Variants in MAPK12 observed in about 807,000 individuals in gnomAD.
MAPK12 encodes MAP kinase 12.
Under a neutral mutation model 49.1 loss-of-function variants are expected in MAPK12, and 49 were observed. That is an observed-to-expected ratio of 1.00 (90% CI 0.79 to 1.27). The LOEUF is 1.27. MAPK12 is among the 50% of genes most tolerant of loss of function. The pLI is 0.00. For synonymous variants in MAPK12, 251 were observed against 209.7 expected, an observed-to-expected ratio of 1.20 and a Z score of -1.70; for missense variants, 554 against 502.4, an observed-to-expected ratio of 1.10 and a Z score of -0.98.
At position 50,255,296 on chromosome 22, in the gene MAPK12, G is replaced by T. The variant is rs1347956140; in HGVS notation, c.925C>A (p.Pro309Thr). 6.2e-7 allele frequency: 1 copy of T among 1,613,614 alleles called. No individual in the cohort carries two copies. The highest frequency in any genetic ancestry group is 8.5e-7 in the Non-Finnish European group (1 of 1,180,016). ...RVTAGEALAH[P>T]YFESLHDTED... ...GTGTCGTGCAGGGACTCGAAGTAGG[G>T]ATGGGCCAGCGCCTCGCCTGCCGTC... The change falls in exon 11 of 12, where the codon CCC (proline) becomes ACC (threonine). Residue 309 changes from proline (P) to threonine (T), a missense_variant. Coordinates refer to ENST00000215659, the MANE Select transcript of MAPK12 (RefSeq NM_002969.6).
At position 50,257,042 on chromosome 22, in the gene MAPK12, G is replaced by A. The variant is rs376456977; in HGVS notation, c.426+40C>T. The A allele has an allele frequency of 2.5e-6, 4 of 1,605,636 alleles. No homozygotes were observed. In the African/African-American group the frequency reaches 5.3e-5, roughly 21 times the overall value. On this transcript the variant is annotated intron_variant, in intron 4 of 11. Coordinates refer to ENST00000215659, the MANE Select transcript of MAPK12 (RefSeq NM_002969.6). ...GGGCCCTCCTCTGCCCAGCCCCGAG[G>A]CCCTGCCTGCCTCCCTGCAGCCTCC...
rs2065210637 is a variant in MAPK12 at position 50,261,273 on chromosome 22, C to G, written c.149G>C (p.Gly50Ala). Reference sequence around the variant, plus strand: ...CAGCTTCTTGATGGCCACCTTAGCGCCGGTGCGGCCGTCCACGGCCGAGCT... The same window carrying G: ...CAGCTTCTTGATGGCCACCTTAGCGGCGGTGCGGCCGTCCACGGCCGAGCT... ...AVCSAVDGRT[G>A]AKVAIKKLYR... Residue 50 changes from glycine (G) to alanine (A), a missense_variant, in exon 2 of 12, where the codon GGC becomes GCC. Gly to Ala is a moderately conservative substitution (Grantham distance 60). Coordinates refer to ENST00000215659, the MANE Select transcript of MAPK12 (RefSeq NM_002969.6). The G allele has an allele frequency of 2.6e-6, 4 of 1,532,162 alleles. No individual in the cohort carries two copies. In the South Asian group the frequency reaches 4.9e-5, roughly 19 times the overall value. The allele number at this position is 1,532,162 out of a possible 1,614,324, so 94.9% of individuals were successfully genotyped here. A position where few individuals can be genotyped will look rare whatever the true frequency, so the allele number is the denominator to read the frequency against.
rs2065155354 is a variant in MAPK12 at position 50,256,834 on chromosome 22, G to A, written c.456+101C>T. 2.6e-6 allele frequency: 4 copies of A among 1,540,174 alleles called. No homozygotes were observed. In the Admixed American group the frequency reaches 7.9e-5, roughly 30 times the overall value. On this transcript the variant is annotated intron_variant, in intron 5 of 11. Transcript: ENST00000215659. ...CACCAGGGGCTGTGCATAGGGCGTG[G>A]CTCAGCACCCAGACCCCATCACATC... is the stretch of plus-strand genomic sequence containing the variant.
intron 2 of MAPK12, among the ~76,000 whole-genome samples, chr22:50,260,098 G>A (rs917543636): frequency 6.6e-6 from 1 of 151,850 alleles, no homozygotes; most frequent in Non-Finnish European, 1.5e-5. Context: ...GGCAGGGCTG[G>A]TGTCCACTGC....
chr22:50,253,500 G>GGGT lies in MAPK12; in HGVS notation c.1025-21_1025-20insACC. 1 of 432,222 alleles carries GGGT rather than the reference G, an allele frequency of 2.3e-6. No homozygotes were observed. The highest frequency in any genetic ancestry group is 4.6e-6 in the Non-Finnish European group (1 of 215,862). The allele number at this position is 432,222 out of a possible 1,614,324, so 26.8% of individuals were successfully genotyped here. On this transcript the variant is annotated intron_variant, in intron 11 of 11. Transcript: ENST00000215659. ...TAACACCTGGCGGGGGTGGGGGGGCGGGCACAACAGAGAGGGGGGTCAGCC... is the reference window on the plus strand; with the variant it reads ...TAACACCTGGCGGGGGTGGGGGGGCGGGTGGCACAACAGAGAGGGGGGTCAGCC...
intron 2 of MAPK12, among the ~76,000 whole-genome samples, chr22:50,258,809 C>G (rs2065179374): frequency 6.6e-6 from 1 of 152,226 alleles, no homozygotes; most frequent in African/African-American, 2.4e-5. Context: ...GCCGCCTCAG[C>G]ATTTTGGGGT....
intron 2 of MAPK12, 35 bp from the exon 3 acceptor site, chr22:50,258,336 A>C: frequency 6.3e-7 from 1 of 1,592,630 alleles, no homozygotes; most frequent in Non-Finnish European, 8.6e-7. Flanking sequence ...AATGCAGCAG[A>C]GGACACGGGC....
At chr22:50,255,578 G>GGCCCC in intron 9 of MAPK12, 37 bp downstream of exon 9, 61 of 1,581,224 alleles carry the variant, frequency 3.9e-5, no homozygotes, top group Non-Finnish European at 4.9e-5. Flanking sequence ...GCCCAGGTCC[G>GGCCCC]CCCCCACCCC....
In MAPK12 at chr22:50,256,923, A is replaced by G. The variant is rs1601642514; in HGVS notation, c.456+12T>C. The G allele has an allele frequency of 2.5e-6, 4 of 1,604,522 alleles. No individual in the cohort carries two copies. Among genetic ancestry groups the G allele is most frequent in the Non-Finnish European group, 3.4e-6 (4 of 1,177,506 alleles). On this transcript the variant is annotated intron_variant, in intron 5 of 11. Coordinates refer to ENST00000215659, the MANE Select transcript of MAPK12 (RefSeq NM_002969.6). ...GGGAGGGCTGATGAGCGGCTTCTCCACCGGGACTCACTCTGTGGATGATGC... is the reference window on the plus strand; with the variant it reads ...GGGAGGGCTGATGAGCGGCTTCTCCGCCGGGACTCACTCTGTGGATGATGC...
chr22:50,253,608 A>G, intron 11 of MAPK12, 128 bp from the exon 12 acceptor site: 1 of 643,102 alleles, frequency 1.6e-6, no homozygotes. Context: ...TGTGGTCTGA[A>G]CCACTGAGAG....
At position 50,255,313 on chromosome 22, in the gene MAPK12, C is replaced by A; in HGVS notation, c.908G>T (p.Gly303Val). ...GAAGTAGGGATGGGCCAGCGCCTCGCCTGCCGTCACCCGCTGCTCCGCGTC... is the reference window on the plus strand; with the variant it reads ...GAAGTAGGGATGGGCCAGCGCCTCGACTGCCGTCACCCGCTGCTCCGCGTC... ...VLDAEQRVTA[G>V]EALAHPYFES... The change falls in exon 11 of 12, where the codon GGC (glycine) becomes GTC (valine). Residue 303 changes from glycine to valine, a missense_variant. Gly to Val is a moderately radical substitution (Grantham distance 109). Transcript: ENST00000215659. 1.9e-6 allele frequency: 3 copies of A among 1,613,510 alleles called. No individual in the cohort carries two copies. The highest frequency in any genetic ancestry group is 1.6e-4 in the Middle Eastern group (1 of 6,062).
chr22:50,258,353 AC>A lies in MAPK12; in HGVS notation c.256-53del, dbSNP rs148912838. ...TGCAGCAGAGGACACGGGCTGGGGC[AC>A]CCCCCAAGAGTGGCACAACCCTCTG... On this transcript the variant is annotated intron_variant, in intron 2 of 11. Transcript: ENST00000215659. 3,084 of 1,511,406 alleles carry A rather than the reference AC, an allele frequency of 2.0e-3. 57 individuals carry two copies. The African/African-American group carries it at 0.037, about 18-fold the overall frequency. The allele number at this position is 1,511,406 out of a possible 1,614,324, so 93.6% of individuals were successfully genotyped here. A position where few individuals can be genotyped will look rare whatever the true frequency, so the allele number is the denominator to read the frequency against.
intron 2 of MAPK12, among the ~76,000 whole-genome samples, chr22:50,260,026 TG>T (rs66675266): frequency 5.4e-4 from 4 of 7,422 alleles, no homozygotes; most frequent in East Asian, 5.2e-3. Flanking sequence ...GGGCGGGTGG[TG>T]GGGGGGTGCG....
At chr22:50,255,064 C>T (rs767287547) in intron 11 of MAPK12, 133 bp downstream of exon 11, 1 of 1,515,424 alleles carries the variant, frequency 6.6e-7, no homozygotes, top group Admixed American at 2.0e-5. Flanking sequence ...TCCACACAGG[C>T]CCTACCCGGA....
At chr22:50,255,120 C>A (rs1157412399) in intron 11 of MAPK12, 77 bp downstream of exon 11, 1 of 1,514,826 alleles carries the variant, frequency 6.6e-7, no homozygotes, top group South Asian at 1.3e-5. Flanking sequence ...GAGCCCCCAA[C>A]TCACAGGTCC....
chr22:50,255,161 G>T, intron 11 of MAPK12, 36 bp downstream of exon 11: 1 of 1,611,326 alleles, frequency 6.2e-7, no homozygotes, highest in East Asian at 2.2e-5. Flanking sequence ...CCCCCACTTG[G>T]GTCCACACAG....
rs139984390 is a variant in MAPK12, at chr22:50,255,244, T to A, written c.977A>T (p.Tyr326Phe). 1 of 1,613,978 alleles carries A rather than the reference T, an allele frequency of 6.2e-7. No homozygotes were observed. Among genetic ancestry groups the A allele is most frequent in the East Asian group, 2.2e-5 (1 of 44,874 alleles). ...GTCAACGTCGTCAAAGGAGTCATCATACTTCTGGACCTGGGGCTCATCTTC... is the reference window on the plus strand; with the variant it reads ...GTCAACGTCGTCAAAGGAGTCATCAAACTTCTGGACCTGGGGCTCATCTTC... ...DTEDEPQVQK[Y>F]DDSFDDVDRT... Residue 326 changes from tyrosine to phenylalanine, a missense_variant, in exon 11 of 12, where the codon TAT (tyrosine) becomes TTT (phenylalanine). Physicochemically the swap from Tyr to Phe is conservative, Grantham distance 22. Coordinates refer to ENST00000215659, the MANE Select transcript of MAPK12 (RefSeq NM_002969.6).
At chr22:50,261,059 G>A (rs1168278256) in intron 2 of MAPK12, 108 bp downstream of exon 2, 62 of 1,219,412 alleles carry the variant, frequency 5.1e-5, no homozygotes, top group Non-Finnish European at 4.3e-6. Context: ...CCCCCGCCCG[G>A]CCCCACAGCA....
In MAPK12 at chr22:50,257,105, A is replaced by G. The variant is rs1277985447; in HGVS notation, c.403T>C (p.Tyr135His). The G allele has an allele frequency of 6.2e-7, 1 of 1,612,658 alleles. No homozygotes were observed. The highest frequency in any genetic ancestry group is 8.5e-7 in the Non-Finnish European group (1 of 1,179,902). Reference sequence around the variant, plus strand: ...ACCCTCAGCCCCTTCAGCATCTGGTACACGAGGAACTGGATCCGGTCCTCG... The same window carrying G: ...ACCCTCAGCCCCTTCAGCATCTGGTGCACGAGGAACTGGATCCGGTCCTCG... ...LGEDRIQFLV[Y>H]QMLKGLRYIH... The change falls in exon 4 of 12, where the codon TAC (tyrosine) becomes CAC (histidine). Residue 135 changes from tyrosine to histidine, a missense_variant. Coordinates refer to ENST00000215659, the MANE Select transcript of MAPK12 (RefSeq NM_002969.6).
Sources: gnomAD v4.1 joint callset for allele counts (sites outside exome capture counted in the v4.1 genomes callset) on GRCh38, gnomAD v4.1.1 for gene constraint, MANE v1.5 for transcripts, NCBI Gene and HGNC (gene_info 2026-07-23, HGNC 2026-07-21) for gene names.